The following FAT3 variants were observed in gnomAD, a reference collection of about 807,000 sequenced individuals.
FAT3 encodes FAT atypical cadherin 3.
In FAT3, 95 loss-of-function variants were observed where a neutral mutation model predicts 310.2. The observed-to-expected ratio is 0.31, with a 90% CI of 0.26 to 0.36. The LOEUF is 0.36. Ranked by LOEUF, FAT3 falls within the 10% of genes least tolerant of loss-of-function variation. The probability of loss-of-function intolerance (pLI) is 1.00; values close to 1 mark genes in which losing one functional copy is unlikely to be tolerated. For missense variants in FAT3, 5,408 were observed against 5,715.6 expected, an observed-to-expected ratio of 0.95 and a Z score of 1.74; for synonymous variants, 2,314 against 2,192.9, an observed-to-expected ratio of 1.06 and a Z score of -1.54.
At chr11:92,729,967 A>G (rs1945129551) in intron 4 of FAT3, among the ~76,000 whole-genome samples, 2 of 152,298 alleles carry the variant, frequency 1.3e-5, no homozygotes, top group South Asian at 4.1e-4. Flanking sequence ...TGGGATCATG[A>G]GTGATTTTTT....
At chr11:92,278,303 G>C (rs962043125) in intron 1 of FAT3, among the ~76,000 whole-genome samples, 2 of 152,202 alleles carry the variant, frequency 1.3e-5, no homozygotes, top group South Asian at 4.1e-4. Flanking sequence ...TCTCATTAGG[G>C]TTTGCTCCCT....
intron 2 of FAT3, among the ~76,000 whole-genome samples, chr11:92,483,406 G>T (rs1315311153): frequency 6.6e-6 from 1 of 151,814 alleles, no homozygotes; most frequent in Non-Finnish European, 1.5e-5. Flanking sequence ...CGCGATCTCA[G>T]CTCACTGCAA....
In FAT3 at chr11:92,837,680, G is replaced by C; in HGVS notation, c.10242G>C (p.Leu3414=). The change falls in exon 17 of 28, where the codon CTG becomes CTC. Residue 3414 remains leucine (L), a synonymous_variant. Coordinates refer to ENST00000525166, the MANE Select transcript of FAT3 (RefSeq NM_001367949.2). ...LDRERVSGYS[L]LVQAVDSGIP... ...CTTGGCAGGTGTCTGGATACTCTCT[G>C]CTTGTCCAGGCCGTAGACAGTGGCA... 1 of 1,613,876 alleles carries C rather than the reference G, an allele frequency of 6.2e-7. No individual in the cohort carries two copies. Among genetic ancestry groups the C allele is most frequent in the Non-Finnish European group, 8.5e-7 (1 of 1,179,862 alleles).
At chr11:92,652,423 G>A (rs1383821283) in intron 3 of FAT3, among the ~76,000 whole-genome samples, 1 of 152,152 alleles carries the variant, frequency 6.6e-6, no homozygotes, top group African/African-American at 2.4e-5. Flanking sequence ...TTGCTTTTAA[G>A]AATTTACAAA....
intron 2 of FAT3, among the ~76,000 whole-genome samples, chr11:92,391,054 C>G (rs1949736771): frequency 6.6e-6 from 1 of 152,116 alleles, no homozygotes; most frequent in Non-Finnish European, 1.5e-5. Flanking sequence ...TCTCATAGTA[C>G]CCACTTAATT....
At chr11:92,281,605 G>A (rs1946423819) in intron 1 of FAT3, among the ~76,000 whole-genome samples, 1 of 152,094 alleles carries the variant, frequency 6.6e-6, no homozygotes, top group Non-Finnish European at 1.5e-5. Flanking sequence ...CTTAAGGGCA[G>A]GCATGAGTCT....
intron 1 of FAT3, among the ~76,000 whole-genome samples, chr11:92,271,447 T>C (rs1320814600): frequency 6.6e-6 from 1 of 152,092 alleles, no homozygotes; most frequent in Non-Finnish European, 1.5e-5. Flanking sequence ...CCTCTGCCAC[T>C]CCCCCTTAGG....
chr11:92,597,638 A>T (rs1353568542), intron 3 of FAT3, among the ~76,000 whole-genome samples: 1 of 152,168 alleles, frequency 6.6e-6, no homozygotes, highest in Non-Finnish European at 1.5e-5. Flanking sequence ...CATTCTGAAA[A>T]ATGTAGGCTT....
At chr11:92,317,609 G>A (rs996933210) in intron 1 of FAT3, among the ~76,000 whole-genome samples, 1 of 152,144 alleles carries the variant, frequency 6.6e-6, no homozygotes, top group East Asian at 1.9e-4. Context: ...GCTTTTTCAT[G>A]GTTGTCAGTA....
intron 13 of FAT3, among the ~76,000 whole-genome samples, chr11:92,810,580 C>A (rs1368690504): frequency 6.6e-6 from 1 of 152,058 alleles, no homozygotes; most frequent in African/African-American, 2.4e-5. Flanking sequence ...GCCAGTCCAA[C>A]GTGGATTTTT....
chr11:92,425,759 A>T (rs1431765333), intron 2 of FAT3, among the ~76,000 whole-genome samples: 4 of 152,138 alleles, frequency 2.6e-5, no homozygotes, highest in Non-Finnish European at 5.9e-5. Context: ...TATATGTGCT[A>T]CATTTTCTTT....
intron 6 of FAT3, chr11:92,766,621 A>T (rs1946319321): frequency 6.6e-6 from 1 of 152,182 alleles, no homozygotes; most frequent in African/African-American, 2.4e-5. Flanking sequence ...TGTTTTACTT[A>T]CTTGGTATTA....
chr11:92,573,841 A>G (rs1938321321), intron 3 of FAT3, among the ~76,000 whole-genome samples: 1 of 151,840 alleles, frequency 6.6e-6, no homozygotes. Context: ...GAACTGTGAG[A>G]AAAAAAATGT....
At chr11:92,442,105 ATATATATTTTT>A (rs1951084451) in intron 2 of FAT3, among the ~76,000 whole-genome samples, 1 of 20,352 alleles carries the variant, frequency 4.9e-5, no homozygotes, top group African/African-American at 1.7e-4. Context: ...ATATATATAT[ATATATATTTTT>A]TTTTTTTTTT....
At chr11:92,794,900 G>A (rs1947130599) in intron 9 of FAT3, among the ~76,000 whole-genome samples, 1 of 152,188 alleles carries the variant, frequency 6.6e-6, no homozygotes, top group Non-Finnish European at 1.5e-5. Context: ...GTTGAGGGTG[G>A]GAGACAGGCA....
chr11:92,723,705 GT>G (rs1476005983), intron 4 of FAT3, among the ~76,000 whole-genome samples: 3 of 152,192 alleles, frequency 2.0e-5, no homozygotes, highest in Admixed American at 6.5e-5. Context: ...ATGGCAGAAG[GT>G]GAAAGGCACA....
rs774159914 is a variant in FAT3, at chr11:92,792,722, C to T, written c.4612-45C>T. 3 of 1,580,738 alleles carry T rather than the reference C, an allele frequency of 1.9e-6. No individual in the cohort carries two copies. In the South Asian group the frequency reaches 3.4e-5, roughly 18 times the overall value. Reference sequence around the variant, plus strand: ...CAAACATAGCCATGTGAGTTCTTTGCAATTTAAAATTTGAGTCCCACCACT... The same window carrying T: ...CAAACATAGCCATGTGAGTTCTTTGTAATTTAAAATTTGAGTCCCACCACT... On this transcript the variant is annotated intron_variant, in intron 8 of 27. Coordinates refer to ENST00000525166, the MANE Select transcript of FAT3 (RefSeq NM_001367949.2).
intron 3 of FAT3, among the ~76,000 whole-genome samples, chr11:92,616,953 T>C (rs547645651): frequency 9.8e-5 from 15 of 152,290 alleles, no homozygotes; most frequent in African/African-American, 3.1e-4. Flanking sequence ...CAATTATGTA[T>C]CTTGGGGTTG....
At chr11:92,781,917 G>T (rs1032955746) in intron 7 of FAT3, among the ~76,000 whole-genome samples, 1 of 152,146 alleles carries the variant, frequency 6.6e-6, no homozygotes, top group East Asian at 1.9e-4. Flanking sequence ...AGACAGCCAT[G>T]TCCAAATTAT....
Sources: gnomAD v4.1 joint callset for allele counts (sites outside exome capture counted in the v4.1 genomes callset) on GRCh38, gnomAD v4.1.1 for gene constraint, MANE v1.5 for transcripts, NCBI Gene and HGNC (gene_info 2026-07-23, HGNC 2026-07-21) for gene names.